The following CCR6 variants were observed in gnomAD, a reference collection of about 807,000 sequenced individuals.
CCR6 encodes the protein C-C chemokine receptor type 6.
Under a neutral mutation model 3.0 loss-of-function variants are expected in CCR6, and 2 were observed. That is an observed-to-expected ratio of 0.66 (90% CI 0.27 to 2.07). The LOEUF (loss-of-function observed/expected upper bound fraction) is 2.07. CCR6 is among the 30% of genes most tolerant of loss of function. The pLI, the probability that CCR6 is intolerant of heterozygous loss-of-function variation, is 0.14. For synonymous variants in CCR6, 193 were observed against 184.3 expected, an observed-to-expected ratio of 1.05 and a Z score of -0.38; for missense variants, 322 against 462.8, an observed-to-expected ratio of 0.70 and a Z score of 2.79.
chr6:167,129,102 G>C (rs142883079), intron 1 of CCR6, among the ~76,000 whole-genome samples: 1 of 152,176 alleles, frequency 6.6e-6, no homozygotes, highest in Non-Finnish European at 1.5e-5. Flanking sequence ...GCTGAAGGCC[G>C]AAATCAGTGC....
intron 1 of CCR6, among the ~76,000 whole-genome samples, chr6:167,114,731 A>AGGCTGTTCCCGGCAGACAGAAAT: frequency 6.6e-6 from 1 of 152,302 alleles, no homozygotes; most frequent in Admixed American, 6.5e-5. Context: ...TAAGTCAGTG[A>AGGCTGTTCCCGGCAGACAGAAAT]GGCTGTTCCC....
At chr6:167,134,813 C>T (rs1279768188) in intron 1 of CCR6, 1 of 152,214 alleles carries the variant, frequency 6.6e-6, no homozygotes, top group Non-Finnish European at 1.5e-5. Context: ...AATATCAGAG[C>T]GTTTCAGGCC....
intron 1 of CCR6, among the ~76,000 whole-genome samples, chr6:167,123,442 T>C (rs41450452): frequency 6.6e-6 from 1 of 152,320 alleles, no homozygotes. Context: ...AGGGATTTCA[T>C]ACTCGCTCCC....
chr6:167,117,563 CG>C (rs1406565206), intron 1 of CCR6, among the ~76,000 whole-genome samples: 2 of 151,448 alleles, frequency 1.3e-5, no homozygotes, highest in Non-Finnish European at 2.9e-5. Context: ...ACTACAGGCG[CG>C]CGCCACCACG....
chr6:167,131,982 C>G (rs531538588), intron 1 of CCR6, among the ~76,000 whole-genome samples: 2 of 152,240 alleles, frequency 1.3e-5, no homozygotes, highest in South Asian at 2.1e-4. Flanking sequence ...GTCGCCCAAC[C>G]CCAGCCAATC....
At chr6:167,124,475 G>A (rs1182152627) in intron 1 of CCR6, among the ~76,000 whole-genome samples, 2 of 152,236 alleles carry the variant, frequency 1.3e-5, no homozygotes, top group African/African-American at 2.4e-5. Context: ...GAACATAAAT[G>A]TATTGAACAC....
Position 167,136,356 on chromosome 6 carries a change from G to A in CCR6, c.126G>A (p.Arg42=). 6.2e-7 allele frequency: 1 copy of A among 1,614,160 alleles called. No individual in the cohort carries two copies. The highest frequency in any genetic ancestry group is 2.2e-5 in the East Asian group (1 of 44,888). ...TACTGTGCTCCTTGCAGGAGGTCAGGCAGTTCTCCAGGCTATTTGTACCGA... is the reference window on the plus strand; with the variant it reads ...TACTGTGCTCCTTGCAGGAGGTCAGACAGTTCTCCAGGCTATTTGTACCGA... ...EMLLCSLQEV[R]QFSRLFVPIA... is the part of the protein sequence containing the mutation. Residue 42 remains arginine, a synonymous_variant, in exon 3 of 3, where the codon AGG becomes AGA. Transcript: ENST00000341935. The surrounding 1 kb of genome is among the most constrained non-coding windows in gnomAD (Gnocchi z 4.6).
At chr6:167,122,014 A>G (rs1415045280), upstream of CCR6, among the ~76,000 whole-genome samples, 2 of 152,098 alleles carry the variant, frequency 1.3e-5, no homozygotes, top group South Asian at 4.1e-4. This position sits in a 1 kb window ranked among gnomAD's most constrained non-coding sequence, Gnocchi z 4.2. Context: ...GGTTCCCCAG[A>G]GAGATGATAA....
rs1322958624 is a variant in CCR6 at position 167,138,493 on chromosome 6, A to G, written c.*1138A>G. The G allele has an allele frequency of 6.6e-6, 1 of 152,282 alleles. No homozygotes were observed. The highest frequency in any genetic ancestry group is 6.5e-5 in the Admixed American group (1 of 15,276). The allele number at this position is 152,282 out of a possible 1,614,324, so 9.4% of individuals were successfully genotyped here. A position where few individuals can be genotyped will look rare whatever the true frequency, so the allele number is the denominator to read the frequency against. On this transcript the variant is annotated 3_prime_UTR_variant, in exon 3 of 3. Coordinates refer to ENST00000341935, the MANE Select transcript of CCR6 (RefSeq NM_031409.4). ...GATAATTATTTTAAAGGGGTCTGAA[A>G]TTTGTGATGGAATCAGATTTTAACA...
intron 1 of CCR6, among the ~76,000 whole-genome samples, chr6:167,130,713 G>T (rs533721675): frequency 1.3e-5 from 2 of 151,898 alleles, no homozygotes; most frequent in African/African-American, 4.9e-5. Context: ...ATTGTACATT[G>T]TTTATACCTA....
upstream of CCR6, chr6:167,123,059 T>C (rs1473692639): frequency 6.5e-6 from 1 of 152,788 alleles, no homozygotes; most frequent in Non-Finnish European, 1.5e-5. Flanking sequence ...GAAGTGGCAA[T>C]CCAGAACTTG....
intron 1 of CCR6, among the ~76,000 whole-genome samples, chr6:167,130,238 G>A (rs1295033698): frequency 6.6e-6 from 1 of 151,764 alleles, no homozygotes; most frequent in Non-Finnish European, 1.5e-5. Context: ...CTTTGCAAGG[G>A]TAGGTTCACT....
At chr6:167,127,128 A>G (rs982342169) in intron 1 of CCR6, 1 of 152,238 alleles carries the variant, frequency 6.6e-6, no homozygotes, top group Non-Finnish European at 1.5e-5. Flanking sequence ...TATGATTTAT[A>G]TCATCATATA....
intron 1 of CCR6, among the ~76,000 whole-genome samples, chr6:167,124,739 T>C (rs1372457481): frequency 6.6e-6 from 1 of 152,124 alleles, no homozygotes; most frequent in African/African-American, 2.4e-5. Flanking sequence ...GATAAACAGC[T>C]GTAAACCAGT....
At chr6:167,120,347 A>G (rs552256161), upstream of CCR6, among the ~76,000 whole-genome samples, 3 of 152,338 alleles carry the variant, frequency 2.0e-5, no homozygotes, top group East Asian at 5.8e-4. Context: ...ACAGAGTGTT[A>G]CTTTAGGGGT....
chr6:167,122,735 C>T (rs1367598761), upstream of CCR6: 1 of 152,376 alleles, frequency 6.6e-6, no homozygotes, highest in African/African-American at 2.4e-5. This position sits in a 1 kb window ranked among gnomAD's most constrained non-coding sequence, Gnocchi z 4.2. Flanking sequence ...CACAAAAGTG[C>T]TCCCGGCCCA....
chr6:167,113,981 A>G (rs1781452561), intron 1 of CCR6, among the ~76,000 whole-genome samples: 1 of 152,346 alleles, frequency 6.6e-6, no homozygotes. Context: ...TCCAGGATAA[A>G]ATAGACATGA....
rs1781856613 is a variant in CCR6, at chr6:167,136,800, C to T, written c.570C>T (p.Asn190=). 1.2e-6 allele frequency: 2 copies of T among 1,613,956 alleles called. No homozygotes were observed. The highest frequency in any genetic ancestry group is 1.7e-5 in the Admixed American group (1 of 60,010). The change falls in exon 3 of 3, where the codon AAC becomes AAT. Residue 190 remains asparagine, a synonymous_variant. Coordinates refer to ENST00000341935, the MANE Select transcript of CCR6 (RefSeq NM_031409.4). This position sits in a 1 kb window ranked among gnomAD's most constrained non-coding sequence, Gnocchi z 4.6. ...SSTFVFNQKY[N]TQGSDVCEPK... ...CTTTTGTCTTCAACCAAAAATACAA[C>T]ACCCAAGGCAGCGATGTCTGTGAAC...
intron 1 of CCR6, among the ~76,000 whole-genome samples, chr6:167,114,664 C>T (rs141641515): frequency 1.3e-5 from 2 of 152,366 alleles, no homozygotes; most frequent in East Asian, 3.9e-4. Context: ...TGTAACCAGC[C>T]TGTGGCTCTG....
Sources: allele counts gnomAD v4.1 joint callset (sites outside exome capture counted in the v4.1 genomes callset), GRCh38; gene constraint gnomAD v4.1.1; non-coding constraint Gnocchi (gnomAD v3.1); transcripts MANE v1.5; gene names NCBI Gene and HGNC (gene_info 2026-07-23, HGNC 2026-07-21).